Variants in PYROXD1 observed in about 807,000 individuals in gnomAD.
PYROXD1 encodes pyridine nucleotide-disulphide oxidoreductase domain 1.
A neutral mutation model predicts 62.0 loss-of-function variants in PYROXD1; 42 were observed. The ratio of observed to expected loss-of-function variants is 0.68; its 90% CI spans 0.53 to 0.88. PYROXD1 has a LOEUF of 0.88. Ranked by LOEUF, PYROXD1 falls within the 40% of genes least tolerant of loss-of-function variation. The pLI is 0.00. For missense variants in PYROXD1, 493 were observed against 604.8 expected (o/e 0.82, Z 1.94); for synonymous variants, 170 against 206.4 (o/e 0.82, Z 1.51).
At position 21,445,460 on chromosome 12, in the gene PYROXD1, A is replaced by C. The variant is rs746752746; in HGVS notation, c.279A>C (p.Glu93Asp). 6.3e-6 allele frequency: 10 copies of C among 1,583,994 alleles called. No individual in the cohort carries two copies. Among genetic ancestry groups the C allele is most frequent in the Non-Finnish European group, 8.5e-6 (10 of 1,171,926 alleles). The change falls in exon 3 of 12, where the codon GAA becomes GAC. Residue 93 changes from glutamate to aspartate, a missense_variant. Glu to Asp is a conservative substitution (Grantham distance 45). Coordinates refer to ENST00000240651, the MANE Select transcript of PYROXD1 (RefSeq NM_024854.5). ...IESGVKQLKSEEHCIVTEDGN... is the reference protein window; with the variant it reads ...IESGVKQLKSDEHCIVTEDGN... ...CTGGCGTAAAGCAACTGAAGAGTGA[A>C]GAACACGTAAGATAATTGTTTTCTT...
intron 7 of PYROXD1, 29 bp from the exon 8 acceptor site, chr12:21,460,996 T>G: frequency 4.3e-6 from 6 of 1,401,150 alleles, no homozygotes; most frequent in Non-Finnish European, 5.8e-6. Flanking sequence ...CTGTAAGTAT[T>G]ATGCTAACCA....
At position 21,461,989 on chromosome 12, in the gene PYROXD1, T is replaced by G; in HGVS notation, c.881-19T>G. The G allele has an allele frequency of 6.6e-7, 1 of 1,511,420 alleles. No individual in the cohort carries two copies. The highest frequency in any genetic ancestry group is 9.2e-7 in the Non-Finnish European group (1 of 1,091,178). The allele number at this position is 1,511,420 out of a possible 1,614,324, so 93.6% of individuals were successfully genotyped here. On this transcript the variant is annotated intron_variant, in intron 8 of 11. Coordinates refer to ENST00000240651, the MANE Select transcript of PYROXD1 (RefSeq NM_024854.5). ...CATTTACAAATAAAGTCTGTTTTTT[T>G]GGTTTTTTTTTCTTAAAGAGATGTG...
chr12:21,454,340 T>A (rs1327326793), intron 5 of PYROXD1, among the ~76,000 whole-genome samples: 2 of 152,048 alleles, frequency 1.3e-5, no homozygotes, highest in African/African-American at 2.4e-5. Flanking sequence ...ATCTTGTTTG[T>A]CTGGGATTGT....
In PYROXD1 at chr12:21,461,171, G is replaced by T. The variant is rs540457223; in HGVS notation, c.880+17G>T. 8.2e-6 allele frequency: 12 copies of T among 1,456,676 alleles called. No homozygotes were observed. In the African/African-American group the frequency reaches 1.5e-4, roughly 18 times the overall value. The allele number at this position is 1,456,676 out of a possible 1,614,324, so 90.2% of individuals were successfully genotyped here. A position where few individuals can be genotyped will look rare whatever the true frequency, so the allele number is the denominator to read the frequency against. On this transcript the variant is annotated intron_variant, in intron 8 of 11. Coordinates refer to ENST00000240651, the MANE Select transcript of PYROXD1 (RefSeq NM_024854.5). ...CTGATACAGGCAAGTAATGAAATAA[G>T]AAAAAATATATATAACCACTTAATT... is the stretch of plus-strand genomic sequence containing the variant.
chr12:21,440,324 A>G, intron 1 of PYROXD1, 44 bp from the exon 2 acceptor site: 4 of 1,125,780 alleles, frequency 3.6e-6, no homozygotes, highest in African/African-American at 1.6e-5. Flanking sequence ...ACCAGTACTT[A>G]AAGTAATTTG....
intron 10 of PYROXD1, among the ~76,000 whole-genome samples, chr12:21,465,497 G>A (rs550475331): frequency 7.3e-5 from 11 of 151,662 alleles, no homozygotes; most frequent in East Asian, 3.9e-4. Context: ...CATATCCTTC[G>A]CCGACTTTTT....
intron 8 of PYROXD1, 116 bp downstream of exon 8, chr12:21,461,270 A>G (rs1942694110): frequency 7.8e-6 from 5 of 643,758 alleles, no homozygotes; most frequent in Non-Finnish European, 9.6e-6. Context: ...TTTAAACATG[A>G]AAAGTAAAAA....
In PYROXD1 at chr12:21,470,679, T is replaced by C; in HGVS notation, c.*1925T>C. The C allele has an allele frequency of 3.3e-6, 1 of 306,350 alleles. No individual in the cohort carries two copies. Among genetic ancestry groups the C allele is most frequent in the Non-Finnish European group, 5.9e-6 (1 of 170,036 alleles). The allele number at this position is 306,350 out of a possible 1,614,324, so 19.0% of individuals were successfully genotyped here. ...CAGAAACAGACTTCTCAACTATTAG[T>C]AATCACAACCAAATAAGAGCAGAGT... On this transcript the variant is annotated 3_prime_UTR_variant, in exon 12 of 12. Transcript: ENST00000240651.
intron 3 of PYROXD1, among the ~76,000 whole-genome samples, chr12:21,446,166 G>A (rs1942383334): frequency 6.6e-6 from 1 of 152,354 alleles, no homozygotes; most frequent in South Asian, 2.1e-4. Flanking sequence ...GCTCACGCCT[G>A]TAATCCCAGC....
intron 9 of PYROXD1, 130 bp downstream of exon 9, chr12:21,462,250 G>GT (rs1942712040): frequency 1.6e-6 from 1 of 607,858 alleles, no homozygotes; most frequent in African/African-American, 1.9e-5. Context: ...AAACAGTTTG[G>GT]TTAAAACATT....
chr12:21,460,945 A>G (rs1942685591), intron 7 of PYROXD1, 80 bp from the exon 8 acceptor site: 1 of 857,202 alleles, frequency 1.2e-6, no homozygotes, highest in Non-Finnish European at 1.7e-6. Context: ...TTCTACAAGT[A>G]TACGTTTTTT....
At position 21,469,851 on chromosome 12, in the gene PYROXD1, T is replaced by G; in HGVS notation, c.*1097T>G. ...CAGTGAGCCTCTGTCAGTATAATAT[T>G]GCTTTCAAAAAGATAGTTATGTCAA... On this transcript the variant is annotated 3_prime_UTR_variant, in exon 12 of 12. Transcript: ENST00000240651. 5.1e-6 allele frequency: 1 copy of G among 194,386 alleles called. No homozygotes were observed. The highest frequency in any genetic ancestry group is 1.1e-5 in the Non-Finnish European group (1 of 94,856). 12.0% of individuals were successfully genotyped at this position (194,386 alleles called of 1,614,324 possible). A position where few individuals can be genotyped will look rare whatever the true frequency, so the allele number is the denominator to read the frequency against.
rs1461236392 is a variant in PYROXD1 at position 21,468,737 on chromosome 12, G to A, written c.1486G>A (p.Glu496Lys). 3.7e-6 allele frequency: 6 copies of A among 1,606,516 alleles called. No individual in the cohort carries two copies. In the Middle Eastern group the frequency reaches 5.0e-4, roughly 134 times the overall value. Residue 496 changes from glutamate (E) to lysine (K), a missense_variant, in exon 12 of 12, where the codon GAA (glutamate) becomes AAA (lysine). By Grantham distance (56) the Glu-to-Lys change is moderately conservative. This residue lies in a region of PYROXD1 where 329 missense variants were observed against 446.6 expected (regional missense o/e 0.74). Transcript: ENST00000240651. ...EDLLDPNIDI[E>K]DYFD ...TCTGCTAGATCCAAATATTGATATAGAAGATTATTTTGACTAAAAATGGAA... is the reference window on the plus strand; with the variant it reads ...TCTGCTAGATCCAAATATTGATATAAAAGATTATTTTGACTAAAAATGGAA...
intron 2 of PYROXD1, among the ~76,000 whole-genome samples, chr12:21,444,897 AT>A (rs1414026212): frequency 1.3e-5 from 2 of 152,212 alleles, no homozygotes; most frequent in Non-Finnish European, 2.9e-5. Context: ...AGGTGAAATG[AT>A]TCACAATTGA....
chr12:21,464,444 A>AC (rs1433929287), intron 10 of PYROXD1, among the ~76,000 whole-genome samples: 1 of 152,092 alleles, frequency 6.6e-6, no homozygotes, highest in Non-Finnish European at 1.5e-5. Flanking sequence ...GGAGATTGAA[A>AC]AAAAAAAATC....
intron 2 of PYROXD1, among the ~76,000 whole-genome samples, chr12:21,442,442 C>T (rs1400057575): frequency 6.6e-6 from 1 of 152,186 alleles, no homozygotes. Flanking sequence ...TCAATGGCAG[C>T]TGAGCCAGTG....
chr12:21,453,001 C>T (rs1480011028), intron 5 of PYROXD1, among the ~76,000 whole-genome samples: 2 of 151,906 alleles, frequency 1.3e-5, no homozygotes, highest in Non-Finnish European at 2.9e-5. Flanking sequence ...GGGTAACAGT[C>T]ATTATTGTTA....
At chr12:21,442,680 C>T (rs368889687) in intron 2 of PYROXD1, among the ~76,000 whole-genome samples, 2 of 152,220 alleles carry the variant, frequency 1.3e-5, no homozygotes, top group East Asian at 3.9e-4. Context: ...ACATTGGCCA[C>T]TTCTTTGTGG....
rs1444180748 is a variant in PYROXD1 at position 21,469,019 on chromosome 12, A to G, written c.*265A>G. 9.4e-5 allele frequency: 29 copies of G among 309,504 alleles called. 1 individual carries two copies. The highest frequency in any genetic ancestry group is 7.8e-4 in the East Asian group (10 of 12,818). The allele number at this position is 309,504 out of a possible 1,614,324, so 19.2% of individuals were successfully genotyped here. On this transcript the variant is annotated 3_prime_UTR_variant, in exon 12 of 12. Transcript: ENST00000240651. ...TTATTTCTGTGTTTTAAACATAAAT[A>G]TGTTTACTTGTGATTTAGCTTTGGA...
Sources: gnomAD v4.1 joint callset for allele counts (sites outside exome capture counted in the v4.1 genomes callset) on GRCh38, gnomAD v4.1.1 for gene constraint, gnomAD v4.1.1 regional missense constraint, MANE v1.5 for transcripts, NCBI Gene and HGNC (gene_info 2026-07-23, HGNC 2026-07-21) for gene names.